Variants in CDH23 observed in about 807,000 individuals in gnomAD.
CDH23 encodes the protein cadherin-23.
In CDH23, 189 loss-of-function variants were observed where a neutral mutation model predicts 317.1. The ratio of observed to expected loss-of-function variants is 0.60; its 90% CI spans 0.53 to 0.67. The LOEUF is 0.67. CDH23 is among the 30% of genes least tolerant of loss of function. The pLI is 0.00. For synonymous variants in CDH23, 1,839 were observed against 1,876.8 expected, an observed-to-expected ratio of 0.98 and a Z score of 0.52; for missense variants, 4,401 against 4,592.4, an observed-to-expected ratio of 0.96 and a Z score of 1.20.
chr10:71,541,834 A>G (rs1297182404), intron 6 of CDH23, among the ~76,000 whole-genome samples: 4 of 152,388 alleles, frequency 2.6e-5, no homozygotes, highest in Admixed American at 1.3e-4. Context: ...GTGTTCCAAT[A>G]CAAGTTTATA....
At chr10:71,403,947 C>G (rs866337424) in intron 1 of CDH23, among the ~76,000 whole-genome samples, 1 of 152,142 alleles carries the variant, frequency 6.6e-6, no homozygotes, top group Non-Finnish European at 1.5e-5. Context: ...AAACATTTAG[C>G]TGGGCATGGT....
intron 3 of CDH23, among the ~76,000 whole-genome samples, chr10:71,473,584 T>C (rs1851628752): frequency 6.6e-6 from 1 of 152,186 alleles, no homozygotes; most frequent in Non-Finnish European, 1.5e-5. Flanking sequence ...CAGGGCAAGT[T>C]CCTCAACCTC....
At chr10:71,435,221 T>C (rs1849564602) in intron 1 of CDH23, among the ~76,000 whole-genome samples, 1 of 152,226 alleles carries the variant, frequency 6.6e-6, no homozygotes, top group Non-Finnish European at 1.5e-5. Flanking sequence ...GTAGAATGCA[T>C]TGTGTATCAC....
At chr10:71,449,071 A>G (rs1850307770) in intron 3 of CDH23, among the ~76,000 whole-genome samples, 1 of 152,212 alleles carries the variant, frequency 6.6e-6, no homozygotes, top group East Asian at 1.9e-4. Context: ...GGAAGTTTAC[A>G]TACAATACCA....
In CDH23 at chr10:71,777,676, A is replaced by G; in HGVS notation, c.4846-4A>G. On this transcript the variant is annotated splice_region_variant and splice_polypyrimidine_tract_variant and intron_variant, in intron 38 of 69. Coordinates refer to ENST00000224721, the MANE Select transcript of CDH23 (RefSeq NM_022124.6). ...CCAAGGACGTGACCCACTCTTTTCCACAGGCCACCACGCACGTGTACGTGA... is the reference window on the plus strand; with the variant it reads ...CCAAGGACGTGACCCACTCTTTTCCGCAGGCCACCACGCACGTGTACGTGA... 6.2e-7 allele frequency: 1 copy of G among 1,606,712 alleles called. No homozygotes were observed. The highest frequency in any genetic ancestry group is 8.5e-7 in the Non-Finnish European group (1 of 1,176,920).
intron 6 of CDH23, among the ~76,000 whole-genome samples, chr10:71,551,846 C>T (rs748222996): frequency 1.9e-4 from 29 of 152,280 alleles, no homozygotes; most frequent in East Asian, 1.2e-3. Context: ...ACAACCCCTG[C>T]GGCAGGGCCC....
rs41281310 is a variant in CDH23, at chr10:71,712,737, A to G, written c.3293A>G (p.Asn1098Ser). The G allele has an allele frequency of 4.1e-3, 6,682 of 1,613,678 alleles. 27 individuals are homozygous for G. The highest frequency in any genetic ancestry group is 5.2e-3 in the Non-Finnish European group (6,168 of 1,179,850). ...VFVTVLDVND[N>S]RPIFLQSSYE... ...GTCACTGTCCTGGATGTGAATGACAACCGGCCCATCTTTCTGCAGAGCAGC... is the reference window on the plus strand; with the variant it reads ...GTCACTGTCCTGGATGTGAATGACAGCCGGCCCATCTTTCTGCAGAGCAGC... The change falls in exon 28 of 70, where the codon AAC becomes AGC. Residue 1098 changes from asparagine to serine, a missense_variant. Physicochemically the swap from Asn to Ser is conservative, Grantham distance 46 (BLOSUM62 1). Around this residue, in one of 3 missense-constraint regions of CDH23, gnomAD observed 3,068 missense variants for 3,203.3 expected, o/e 0.96. Coordinates refer to ENST00000224721, the MANE Select transcript of CDH23 (RefSeq NM_022124.6).
At chr10:71,443,472 T>C (rs10823754) in intron 2 of CDH23, among the ~76,000 whole-genome samples, 51,990 of 152,216 alleles carry the variant, frequency 0.34, 9,115 homozygotes, top group Middle Eastern at 0.47. Flanking sequence ...GCCCTCTCTG[T>C]GCCCTTCTCT....
At chr10:71,461,731 G>A (rs146939698) in intron 3 of CDH23, among the ~76,000 whole-genome samples, 110 of 152,252 alleles carry the variant, frequency 7.2e-4, no homozygotes, top group African/African-American at 2.6e-3. Context: ...TCGCAACCCC[G>A]AAGGCCACCC....
At position 71,702,693 on chromosome 10, in the gene CDH23, A is replaced by G; in HGVS notation, c.2732A>G (p.Gln911Arg). 1 of 1,613,580 alleles carries G rather than the reference A, an allele frequency of 6.2e-7. No homozygotes were observed. Among genetic ancestry groups the G allele is most frequent in the Non-Finnish European group, 8.5e-7 (1 of 1,179,842 alleles). Residue 911 changes from glutamine to arginine, a missense_variant and splice_region_variant, in exon 24 of 70, where the codon CAA becomes CGA. By Grantham distance (43) the Gln-to-Arg change is conservative. Coordinates refer to ENST00000224721, the MANE Select transcript of CDH23 (RefSeq NM_022124.6). Reference sequence around the variant, plus strand: ...ATCCCGGCGGGGGTCTCCATCTACCAAGTGAGTCTCTATCATCTCATTCCT... The same window carrying G: ...ATCCCGGCGGGGGTCTCCATCTACCGAGTGAGTCTCTATCATCTCATTCCT... ...EGIPAGVSIYQVVAIDLDEGL... is the reference protein window; with the variant it reads ...EGIPAGVSIYRVVAIDLDEGL...
intron 1 of CDH23, among the ~76,000 whole-genome samples, chr10:71,432,514 G>A (rs1312624763): frequency 6.6e-6 from 1 of 151,334 alleles, no homozygotes; most frequent in Non-Finnish European, 1.5e-5. Flanking sequence ...GTGGGTGAGT[G>A]TGAGTGTGTG....
intron 31 of CDH23, among the ~76,000 whole-genome samples, chr10:71,731,329 T>C (rs1219242975): frequency 6.6e-6 from 1 of 152,172 alleles, no homozygotes; most frequent in African/African-American, 2.4e-5. Context: ...CTCAGCATCC[T>C]CAGATTATCT....
chr10:71,515,584 A>T (rs1420791522), intron 6 of CDH23, among the ~76,000 whole-genome samples: 3 of 152,082 alleles, frequency 2.0e-5, no homozygotes, highest in Admixed American at 6.6e-5. Context: ...AGCAGGGTCC[A>T]GGGATTCTGA....
rs764025875 is a variant in CDH23, at chr10:71,778,222, G to A, written c.5101G>A (p.Glu1701Lys). ...VITAAKELDY[E>K]ISHGRYTLIV... is the part of the protein sequence containing the mutation. Reference sequence around the variant, plus strand: ...CACTGCTGCCAAAGAGCTGGACTACGAGATCAGCCACGGCCGCTACACCCT... The same window carrying A: ...CACTGCTGCCAAAGAGCTGGACTACAAGATCAGCCACGGCCGCTACACCCT... Residue 1701 changes from glutamate to lysine, a missense_variant, in exon 40 of 70, where the codon GAG (glutamate) becomes AAG (lysine). By Grantham distance (56) the Glu-to-Lys change is moderately conservative. Coordinates refer to ENST00000224721, the MANE Select transcript of CDH23 (RefSeq NM_022124.6). The A allele has an allele frequency of 8.1e-6, 13 of 1,613,686 alleles. No individual in the cohort carries two copies. The highest frequency in any genetic ancestry group is 6.7e-5 in the Admixed American group (4 of 59,996).
chr10:71,742,039 C>A, intron 38 of CDH23, 118 bp downstream of exon 38: 1 of 836,892 alleles, frequency 1.2e-6, no homozygotes, highest in Non-Finnish European at 1.9e-6. Flanking sequence ...TCCTTGACAA[C>A]TCCTTTAGTC....
intron 3 of CDH23, among the ~76,000 whole-genome samples, chr10:71,464,985 C>T (rs1315449592): frequency 2.0e-5 from 3 of 152,174 alleles, no homozygotes; most frequent in African/African-American, 7.2e-5. Context: ...TCACAACAAC[C>T]TAGGATGAAG....
At position 71,628,343 on chromosome 10, in the gene CDH23, G is replaced by T. The variant is rs534207268; in HGVS notation, c.1134+10950G>T. Among the ~76,000 whole-genome samples, 3 of 152,344 alleles carry T rather than the reference G, an allele frequency of 2.0e-5. No individual in the cohort carries two copies. The South Asian group carries it at 6.2e-4, about 32-fold the overall frequency. ...TAGTGCAGGGATGGGGCTGGGCACA[G>T]GGCAGAGGGAGAGGCAAGGCATTTC... On this transcript the variant is annotated intron_variant, in intron 11 of 69. Coordinates refer to ENST00000224721, the MANE Select transcript of CDH23 (RefSeq NM_022124.6).
intron 14 of CDH23, among the ~76,000 whole-genome samples, chr10:71,673,694 G>A (rs533389191): frequency 1.3e-5 from 2 of 152,238 alleles, no homozygotes; most frequent in African/African-American, 2.4e-5. Flanking sequence ...TTGAGTGAAC[G>A]ATGTACTGTC....
intron 6 of CDH23, among the ~76,000 whole-genome samples, chr10:71,533,156 GCCTGCCCCGAAGGC>G (rs1855498255): frequency 6.6e-6 from 1 of 152,196 alleles, no homozygotes; most frequent in Non-Finnish European, 1.5e-5. Context: ...TGCTGGCACT[GCCTGCCCCGAAGGC>G]GGCTTGGAGA....
Sources: allele counts gnomAD v4.1 joint callset (sites outside exome capture counted in the v4.1 genomes callset), GRCh38; gene constraint gnomAD v4.1.1; regional missense constraint gnomAD v4.1.1; transcripts MANE v1.5; gene names NCBI Gene and HGNC (gene_info 2026-07-23, HGNC 2026-07-21).